The following AOPEP variants were observed in gnomAD, a reference collection of about 807,000 sequenced individuals.
AOPEP encodes aminopeptidase O (putative).
Under a neutral mutation model 98.1 loss-of-function variants are expected in AOPEP, and 77 were observed. The observed-to-expected ratio is 0.78, with a 90% CI of 0.65 to 0.95. AOPEP has a LOEUF of 0.95. AOPEP is among the 40% of genes least tolerant of loss of function. AOPEP has a pLI of 0.00. For missense variants in AOPEP, 1,024 were observed against 1,024.7 expected (o/e 1.00, Z 0.01); for synonymous variants, 346 against 365.3 (o/e 0.95, Z 0.60).
chr9:95,077,552 A>C (rs2069209785), intron 14 of AOPEP, among the ~76,000 whole-genome samples: 1 of 152,172 alleles, frequency 6.6e-6, no homozygotes, highest in Non-Finnish European at 1.5e-5. Context: ...CCTCGTTAAT[A>C]AATTAAGAAA....
At chr9:94,871,990 A>G (rs934772280) in intron 5 of AOPEP, among the ~76,000 whole-genome samples, 2 of 152,110 alleles carry the variant, frequency 1.3e-5, no homozygotes, top group Non-Finnish European at 2.9e-5. Flanking sequence ...CCTGGGCAAC[A>G]GAGGGAGACC....
intron 13 of AOPEP, among the ~76,000 whole-genome samples, chr9:95,029,806 A>G (rs2064143121): frequency 6.6e-6 from 1 of 152,230 alleles, no homozygotes; most frequent in Admixed American, 6.5e-5. Context: ...TATGAAATCC[A>G]GGTGATAGTC....
At chr9:95,059,441 A>G (rs1418986846) in intron 13 of AOPEP, among the ~76,000 whole-genome samples, 1 of 150,452 alleles carries the variant, frequency 6.6e-6, no homozygotes, top group African/African-American at 2.4e-5. Context: ...ACCTAGTGGA[A>G]TGGTGCGGTG....
At chr9:94,778,012 A>C (rs1842532752) in intron 3 of AOPEP, among the ~76,000 whole-genome samples, 1 of 152,250 alleles carries the variant, frequency 6.6e-6, no homozygotes, top group African/African-American at 2.4e-5. Flanking sequence ...ATGCTTTTCA[A>C]AAGAAGATAT....
At chr9:94,787,816 A>C (rs1844768176) in intron 3 of AOPEP, among the ~76,000 whole-genome samples, 1 of 151,926 alleles carries the variant, frequency 6.6e-6, no homozygotes, top group African/African-American at 2.4e-5. Flanking sequence ...GTCCTTTGTA[A>C]TCTCTCTTCC....
At chr9:95,127,649 G>A in the AOPEP span, among the ~76,000 whole-genome samples, 1 of 152,222 alleles carries the variant, frequency 6.6e-6, no homozygotes, top group Non-Finnish European at 1.5e-5. Context: ...GGCGCTATTG[G>A]AAATTCAAGT....
intron 5 of AOPEP, among the ~76,000 whole-genome samples, chr9:94,880,660 T>G (rs1452793726): frequency 6.6e-6 from 1 of 152,240 alleles, no homozygotes; most frequent in East Asian, 1.9e-4. Flanking sequence ...CTGGTCCCAT[T>G]GTTTCCATAA....
chr9:95,005,363 A>T lies in AOPEP; in HGVS notation c.2040+143A>T. 4.0e-6 allele frequency: 3 copies of T among 757,360 alleles called. No homozygotes were observed. In the East Asian group the frequency reaches 1.0e-4, roughly 26 times the overall value. 46.9% of individuals were successfully genotyped at this position (757,360 alleles called of 1,614,324 possible). ...GGCTCGGGCGCGGGGAGCGGCCGTGACGAAGGTCGCGGCCCCTGCGGTGAG... is the reference window on the plus strand; with the variant it reads ...GGCTCGGGCGCGGGGAGCGGCCGTGTCGAAGGTCGCGGCCCCTGCGGTGAG... On this transcript the variant is annotated intron_variant, in intron 12 of 16. Coordinates refer to ENST00000375315, the MANE Select transcript of AOPEP (RefSeq NM_001193329.3).
At chr9:95,024,000 G>A (rs931379478) in intron 13 of AOPEP, among the ~76,000 whole-genome samples, 4 of 152,190 alleles carry the variant, frequency 2.6e-5, no homozygotes, top group African/African-American at 9.6e-5. Flanking sequence ...AAGGGTCATT[G>A]GATAAAGCTC....
intron 5 of AOPEP, among the ~76,000 whole-genome samples, chr9:94,841,253 G>A (rs2042234021): frequency 6.6e-6 from 1 of 151,386 alleles, no homozygotes; most frequent in Non-Finnish European, 1.5e-5. Context: ...CTTACTGCAG[G>A]CTCCCCCTCC....
At chr9:94,908,325 C>G (rs2051475980) in intron 5 of AOPEP, among the ~76,000 whole-genome samples, 1 of 152,138 alleles carries the variant, frequency 6.6e-6, no homozygotes, top group African/African-American at 2.4e-5. Context: ...CTGACTGTGC[C>G]AGGATCCCAT....
At chr9:95,073,160 G>T (rs1368827680) in intron 14 of AOPEP, among the ~76,000 whole-genome samples, 1 of 152,196 alleles carries the variant, frequency 6.6e-6, no homozygotes, top group African/African-American at 2.4e-5. Flanking sequence ...GTCCTGCTGC[G>T]AGTCTCTGAC....
At chr9:94,860,811 A>G (rs1386158942) in intron 5 of AOPEP, among the ~76,000 whole-genome samples, 1 of 152,192 alleles carries the variant, frequency 6.6e-6, no homozygotes, top group African/African-American at 2.4e-5. Flanking sequence ...GCCACTTAGC[A>G]CAGTGCCTGA....
intron 5 of AOPEP, among the ~76,000 whole-genome samples, chr9:94,817,433 G>T (rs1851949570): frequency 6.6e-6 from 1 of 152,218 alleles, no homozygotes; most frequent in African/African-American, 2.4e-5. Context: ...GCATGGACGA[G>T]TGTGGTGCTT....
downstream of AOPEP, among the ~76,000 whole-genome samples, chr9:95,088,084 T>A (rs2070809537): frequency 6.6e-6 from 1 of 152,224 alleles, no homozygotes; most frequent in Non-Finnish European, 1.5e-5. Context: ...ACTGTATAGC[T>A]GGCTGTGCCA....
At chr9:95,111,588 C>T in the AOPEP span, 3 of 1,614,198 alleles carry the variant, frequency 1.9e-6, no homozygotes, top group Non-Finnish European at 2.5e-6. Flanking sequence ...TCAGCCCATC[C>T]TCCGAAGTGA....
intron 14 of AOPEP, among the ~76,000 whole-genome samples, chr9:95,072,770 T>C (rs1587913416): frequency 6.6e-6 from 1 of 152,224 alleles, no homozygotes; most frequent in African/African-American, 2.4e-5. Flanking sequence ...ATTATTGTTA[T>C]ATCATAGACA....
At chr9:94,932,168 C>T in intron 7 of AOPEP, 7 of 992,348 alleles carry the variant, frequency 7.1e-6, no homozygotes, top group Non-Finnish European at 8.4e-6. Context: ...AAAAAACCTG[C>T]AGGTATCTTG....
intron 5 of AOPEP, among the ~76,000 whole-genome samples, chr9:94,837,055 A>G (rs898649842): frequency 4.6e-5 from 7 of 152,220 alleles, no homozygotes; most frequent in Non-Finnish European, 8.8e-5. Flanking sequence ...AATAGGCTCA[A>G]TTAGAAATGA....
Sources: gnomAD v4.1 joint callset for allele counts (sites outside exome capture counted in the v4.1 genomes callset) on GRCh38, gnomAD v4.1.1 for gene constraint, MANE v1.5 for transcripts, NCBI Gene and HGNC (gene_info 2026-07-23, HGNC 2026-07-21) for gene names.